The following RIMKLB variants were observed in gnomAD, a reference collection of about 807,000 sequenced individuals.
The protein encoded by RIMKLB is ribosomal modification protein rimK like family member B, also known as beta-citrylglutamate synthase B.
In RIMKLB, 7 loss-of-function variants were observed where a neutral mutation model predicts 32.0. The observed-to-expected ratio is 0.22, with a 90% CI of 0.12 to 0.41. The LOEUF (loss-of-function observed/expected upper bound fraction) is 0.41. RIMKLB is among the 10% of genes least tolerant of loss of function. RIMKLB has a pLI of 1.00. For synonymous variants in RIMKLB, 172 were observed against 185.1 expected (o/e 0.93, Z 0.57); for missense variants, 289 against 498.7 (o/e 0.58, Z 4.00).
intron 5 of RIMKLB, among the ~76,000 whole-genome samples, chr12:8,771,548 TATAA>T (rs1950396618): frequency 6.6e-6 from 1 of 152,240 alleles, no homozygotes; most frequent in African/African-American, 2.4e-5. Flanking sequence ...TTGTCTGAGA[TATAA>T]TTCTTATATT....
At chr12:8,717,647 A>G (rs12296102) in intron 2 of RIMKLB, among the ~76,000 whole-genome samples, 5,093 of 152,254 alleles carry the variant, frequency 0.033, 292 homozygotes, top group African/African-American at 0.12. Flanking sequence ...TGTTTTGTTC[A>G]TAGTATATCT....
At chr12:8,686,205 C>T (rs767619515) in intron 1 of RIMKLB, among the ~76,000 whole-genome samples, 1 of 152,258 alleles carries the variant, frequency 6.6e-6, no homozygotes, top group African/African-American at 2.4e-5. Context: ...CCACCTTGCC[C>T]TCCCATAGTG....
At chr12:8,676,554 A>C in the RIMKLB span, among the ~76,000 whole-genome samples, 1 of 151,324 alleles carries the variant, frequency 6.6e-6, no homozygotes, top group Non-Finnish European at 1.5e-5. Flanking sequence ...GTGCACCACC[A>C]CACCTGACTA....
At chr12:8,777,694 C>A (rs1950816115), downstream of RIMKLB, 7 of 1,287,562 alleles carry the variant, frequency 5.4e-6, no homozygotes, top group South Asian at 7.4e-5. Flanking sequence ...GTATTGAGAA[C>A]TTTCGGGGTC....
chr12:8,772,144 CA>C (rs1565427856), intron 5 of RIMKLB, among the ~76,000 whole-genome samples: 1 of 152,160 alleles, frequency 6.6e-6, no homozygotes, highest in African/African-American at 2.4e-5. Flanking sequence ...CTCAGCCTCC[CA>C]AAGTGTTGGG....
chr12:8,728,842 G>T (rs1252783067), intron 2 of RIMKLB, among the ~76,000 whole-genome samples: 1 of 151,870 alleles, frequency 6.6e-6, no homozygotes, highest in East Asian at 1.9e-4. Context: ...TTGCCATTTT[G>T]CCCAGGCTGG....
At chr12:8,703,261 G>C (rs924634549) in intron 1 of RIMKLB, among the ~76,000 whole-genome samples, 21 of 151,944 alleles carry the variant, frequency 1.4e-4, no homozygotes, top group African/African-American at 5.1e-4. Context: ...TCCAGCCTGG[G>C]CAGCAGAGTG....
intron 2 of RIMKLB, chr12:8,714,243 TA>T (rs1425485874): frequency 2.1e-6 from 1 of 487,448 alleles, no homozygotes; most frequent in African/African-American, 1.9e-5. Context: ...TGAGGGAAAT[TA>T]AAGGTGACCT....
chr12:8,765,856 A>G (rs1394923669), intron 5 of RIMKLB, among the ~76,000 whole-genome samples: 1 of 152,096 alleles, frequency 6.6e-6, no homozygotes, highest in East Asian at 1.9e-4. Flanking sequence ...TTTCTTAATG[A>G]AAAGAAAGTT....
At chr12:8,670,026 CAA>C in the RIMKLB span, among the ~76,000 whole-genome samples, 11 of 36,940 alleles carry the variant, frequency 3.0e-4, no homozygotes, top group South Asian at 3.0e-3. Flanking sequence ...GACTCCGTCT[CAA>C]AAAAAAAAAA....
At chr12:8,711,927 C>T (rs1944410252) in intron 1 of RIMKLB, among the ~76,000 whole-genome samples, 2 of 152,086 alleles carry the variant, frequency 1.3e-5, no homozygotes, top group Admixed American at 6.6e-5. Flanking sequence ...AAATGCAACC[C>T]ATAAAAAAAG....
chr12:8,731,219 C>T (rs899280483), intron 2 of RIMKLB, among the ~76,000 whole-genome samples: 2 of 151,812 alleles, frequency 1.3e-5, no homozygotes, highest in Non-Finnish European at 2.9e-5. Context: ...GCCTCAGCCT[C>T]TTGAGTAGCT....
At chr12:8,750,266 G>C (rs866518412) in intron 3 of RIMKLB, among the ~76,000 whole-genome samples, 174 bp downstream of exon 3, 5 of 152,158 alleles carry the variant, frequency 3.3e-5, no homozygotes, top group African/African-American at 9.7e-5. Flanking sequence ...GGGGAAAATA[G>C]GGTTAGAAAA....
Position 8,689,476 on chromosome 12 carries a change from T to G in RIMKLB, n.219+7658T>G, listed in dbSNP as rs756025002. ...AATTAATATTTTAAACCAAAATAAT[T>G]AATAGAAATTATATTTCTAACACTA... On this transcript the variant is annotated intron_variant and non_coding_transcript_variant, in intron 1 of 1. Transcript: ENST00000538758. Among the ~76,000 whole-genome samples the G allele has an allele frequency of 3.9e-5, 6 of 152,348 alleles. No individual in the cohort carries two copies. The East Asian group carries it at 1.2e-3, about 29-fold the overall frequency.
At chr12:8,777,215 C>CTTTTTTTTTTTTT (rs35828763), downstream of RIMKLB, 47 of 703,856 alleles carry the variant, frequency 6.7e-5, no homozygotes, top group African/African-American at 2.4e-4. Context: ...TGCTTGCTTT[C>CTTTTTTTTTTTTT]TTTTTTTTTT....
At chr12:8,755,279 T>G (rs1441324714) in intron 5 of RIMKLB, among the ~76,000 whole-genome samples, 1 of 150,912 alleles carries the variant, frequency 6.6e-6, no homozygotes, top group Non-Finnish European at 1.5e-5. Flanking sequence ...TTTTTTTTTT[T>G]TTGTAGAGAT....
At chr12:8,678,374 A>G (rs1942356969), upstream of RIMKLB, among the ~76,000 whole-genome samples, 1 of 149,878 alleles carries the variant, frequency 6.7e-6, no homozygotes, top group Non-Finnish European at 1.5e-5. Flanking sequence ...CTCGTTGCCC[A>G]GGCTGGGGTG....
upstream of RIMKLB, among the ~76,000 whole-genome samples, chr12:8,695,700 T>TA (rs1218820717): frequency 1.6e-4 from 25 of 151,624 alleles, no homozygotes; most frequent in Admixed American, 1.6e-3. Flanking sequence ...GCAACTTTTT[T>TA]TTTTTTTTTT....
At chr12:8,770,515 A>G (rs1444688522) in intron 5 of RIMKLB, among the ~76,000 whole-genome samples, 2 of 152,106 alleles carry the variant, frequency 1.3e-5, no homozygotes, top group Non-Finnish European at 2.9e-5. Context: ...TTTACTCCTC[A>G]TATTCATCTT....
Sources: gnomAD v4.1 joint callset for allele counts (sites outside exome capture counted in the v4.1 genomes callset) on GRCh38, gnomAD v4.1.1 for gene constraint, MANE v1.5 for transcripts, NCBI Gene and HGNC (gene_info 2026-07-23, HGNC 2026-07-21) for gene names.